The following DICER1 variants were observed in gnomAD, a reference collection of about 807,000 sequenced individuals.
The protein encoded by DICER1 is endoribonuclease Dicer.
In DICER1, 43 loss-of-function variants were observed where a neutral mutation model predicts 194.1. That is an observed-to-expected ratio of 0.22 (90% CI 0.17 to 0.29). The LOEUF is 0.29. Ranked by LOEUF, DICER1 falls within the 10% of genes least tolerant of loss-of-function variation. The pLI is 1.00. For synonymous variants in DICER1, 832 were observed against 820.5 expected (o/e 1.01, Z -0.24); for missense variants, 1,608 against 2,317.0 (o/e 0.69, Z 6.28).
At position 95,101,023 on chromosome 14, in the gene DICER1, C is replaced by T. The variant is rs574177074; in HGVS notation, c.4051-1088G>A. Among the ~76,000 whole-genome samples the T allele has an allele frequency of 6.8e-5, 10 of 146,156 alleles. 1 individual carries two copies. The highest frequency in any genetic ancestry group is 1.9e-4 in the African/African-American group (8 of 41,128). ...GCGCCAAGAAGAGGATAAAGTACAACGTGGACTCATGGGAGGGAAATCACA... is the reference window on the plus strand; with the variant it reads ...GCGCCAAGAAGAGGATAAAGTACAATGTGGACTCATGGGAGGGAAATCACA... On this transcript the variant is annotated intron_variant, in intron 21 of 26. Transcript: ENST00000343455.
In DICER1 at chr14:95,089,584, G is replaced by T. The variant is rs1250408952; in HGVS notation, c.*914C>A. On this transcript the variant is annotated 3_prime_UTR_variant, in exon 27 of 27. Coordinates refer to ENST00000343455, the MANE Select transcript of DICER1 (RefSeq NM_177438.3). ...CCTGGCAGGAGGACTTTAGTAAAAT[G>T]GGGTGTTTAGCCAAAGATCATTTTT... 2 of 231,746 alleles carry T rather than the reference G, an allele frequency of 8.6e-6. No homozygotes were observed. The highest frequency in any genetic ancestry group is 1.7e-5 in the Non-Finnish European group (2 of 117,274). 14.4% of individuals were successfully genotyped at this position (231,746 alleles called of 1,614,324 possible).
chr14:95,115,361 A>T (rs1287605627), intron 11 of DICER1, among the ~76,000 whole-genome samples: 1 of 152,208 alleles, frequency 6.6e-6, no homozygotes, highest in Non-Finnish European at 1.5e-5. Context: ...TTATGGCACA[A>T]AACAAAAAAT....
At chr14:95,114,923 A>G (rs1892304607) in intron 11 of DICER1, among the ~76,000 whole-genome samples, 1 of 152,212 alleles carries the variant, frequency 6.6e-6, no homozygotes, top group South Asian at 2.1e-4. Context: ...CAAGGTCATT[A>G]AAGTCAAGGA....
Position 95,093,750 on chromosome 14 carries a change from C to G in DICER1, c.5364+138G>C. 1.1e-5 allele frequency: 10 copies of G among 940,696 alleles called. 1 individual carries two copies. Among genetic ancestry groups the G allele is most frequent in the Non-Finnish European group, 1.7e-5 (10 of 579,072 alleles). 58.3% of individuals were successfully genotyped at this position (940,696 alleles called of 1,614,324 possible). A position where few individuals can be genotyped will look rare whatever the true frequency, so the allele number is the denominator to read the frequency against. On this transcript the variant is annotated intron_variant, in intron 24 of 26. Coordinates refer to ENST00000343455, the MANE Select transcript of DICER1 (RefSeq NM_177438.3). ...CTGCAAACTGCAGTTCACTCGTGCT[C>G]CCACAGAACACAGCACACTGGGTCC...
rs1047172474 is a variant in DICER1 at position 95,105,616 on chromosome 14, T to C, written c.3093+62A>G. The C allele has an allele frequency of 4.1e-6, 5 of 1,221,328 alleles. No homozygotes were observed. Among genetic ancestry groups the C allele is most frequent in the African/African-American group, 3.0e-5 (2 of 66,288 alleles). 75.7% of individuals were successfully genotyped at this position (1,221,328 alleles called of 1,614,324 possible). A position where few individuals can be genotyped will look rare whatever the true frequency, so the allele number is the denominator to read the frequency against. On this transcript the variant is annotated intron_variant, in intron 19 of 26. Coordinates refer to ENST00000343455, the MANE Select transcript of DICER1 (RefSeq NM_177438.3). This position sits in a 1 kb window ranked among gnomAD's most constrained non-coding sequence, Gnocchi z 4.9. ...CTTGGTAAGATAAAATTCAAACTTA[T>C]CTTTAATAATCTTTAATACTCAAAC...
chr14:95,136,088 C>CAA (rs1894347507), intron 1 of DICER1, among the ~76,000 whole-genome samples: 1 of 54,306 alleles, frequency 1.8e-5, no homozygotes, highest in Admixed American at 2.1e-4. Flanking sequence ...CATGTAGATA[C>CAA]ACACACACAC....
At chr14:95,123,093 T>C (rs1893085774) in intron 8 of DICER1, among the ~76,000 whole-genome samples, 1 of 152,116 alleles carries the variant, frequency 6.6e-6, no homozygotes, top group African/African-American at 2.4e-5. Flanking sequence ...GAAAAGTAAA[T>C]TGATTTAAGT....
chr14:95,105,293 C>G lies in DICER1; in HGVS notation c.3094-47G>C. Reference sequence around the variant, plus strand: ...GACAGATAAATACAAAGCGCACACACAAAAGAAAAAAAAAAAGACCAATTT... The same window carrying G: ...GACAGATAAATACAAAGCGCACACAGAAAAGAAAAAAAAAAAGACCAATTT... On this transcript the variant is annotated intron_variant, in intron 19 of 26. Transcript: ENST00000343455. This position sits in a 1 kb window ranked among gnomAD's most constrained non-coding sequence, Gnocchi z 4.9. The G allele has an allele frequency of 1.4e-6, 2 of 1,427,266 alleles. No homozygotes were observed. The allele number at this position is 1,427,266 out of a possible 1,614,324, so 88.4% of individuals were successfully genotyped here. A position where few individuals can be genotyped will look rare whatever the true frequency, so the allele number is the denominator to read the frequency against.
At chr14:95,114,998 A>G (rs1179789992) in intron 11 of DICER1, among the ~76,000 whole-genome samples, 1 of 152,084 alleles carries the variant, frequency 6.6e-6, no homozygotes, top group Admixed American at 6.6e-5. Flanking sequence ...GTTGAGGACA[A>G]CTCCTGACTC....
chr14:95,092,323 T>G (rs1412724963), intron 24 of DICER1, among the ~76,000 whole-genome samples: 2 of 152,242 alleles, frequency 1.3e-5, no homozygotes, highest in African/African-American at 4.8e-5. Flanking sequence ...ATATTGGTTA[T>G]TTCCGAGGTA....
rs532180345 is a variant in DICER1 at position 95,113,833 on chromosome 14, T to C, written c.1908-609A>G. The stretch of plus-strand genomic sequence containing the variant: ...AGGGTGCTGGAATGGGCAGCAGCCC[T>C]GTGAGGTTGCGACCTGTGCAGCAAG... On this transcript the variant is annotated intron_variant, in intron 11 of 26. Transcript: ENST00000343455. Among the ~76,000 whole-genome samples, 10 of 152,326 alleles carry C rather than the reference T, an allele frequency of 6.6e-5. No homozygotes were observed. In the South Asian group the frequency reaches 2.1e-3, roughly 32 times the overall value.
intron 1 of DICER1, among the ~76,000 whole-genome samples, chr14:95,156,072 G>T (rs1895838595): frequency 6.6e-6 from 1 of 152,136 alleles, no homozygotes; most frequent in Non-Finnish European, 1.5e-5. Flanking sequence ...TTTTTGGTGA[G>T]GATGTATATT....
Position 95,090,680 on chromosome 14 carries a change from C to T in DICER1, c.5604-17G>A, listed in dbSNP as rs767967111. ...TCAGCCGGGCTGTAAAAAATCCAAA[C>T]AGCTTGAATTAGAAGTCAGAAGTAT... On this transcript the variant is annotated splice_polypyrimidine_tract_variant and intron_variant, in intron 26 of 26. Coordinates refer to ENST00000343455, the MANE Select transcript of DICER1 (RefSeq NM_177438.3). The T allele has an allele frequency of 6.2e-7, 1 of 1,613,950 alleles. No individual in the cohort carries two copies. Among genetic ancestry groups the T allele is most frequent in the Non-Finnish European group, 8.5e-7 (1 of 1,179,860 alleles).
chr14:95,137,432 G>A (rs2140328960), intron 1 of DICER1, among the ~76,000 whole-genome samples: 1 of 125,608 alleles, frequency 8.0e-6, no homozygotes, highest in Non-Finnish European at 1.6e-5. Context: ...GGAATAAGAG[G>A]AAGGAAAAGG....
intron 24 of DICER1, 138 bp downstream of exon 24, chr14:95,093,750 C>T (rs1320950630): frequency 5.3e-6 from 5 of 940,578 alleles, no homozygotes; most frequent in Non-Finnish European, 8.6e-6. Flanking sequence ...CACTCGTGCT[C>T]CCACAGAACA....
intron 1 of DICER1, among the ~76,000 whole-genome samples, chr14:95,155,391 T>A (rs983730718): frequency 1.4e-4 from 22 of 152,118 alleles, no homozygotes; most frequent in Admixed American, 1.2e-3. Context: ...GAATAAAACA[T>A]CCCAACGCCA....
intron 1 of DICER1, among the ~76,000 whole-genome samples, chr14:95,139,127 GA>G (rs1894658776): frequency 6.6e-6 from 1 of 152,120 alleles, no homozygotes; most frequent in Non-Finnish European, 1.5e-5. Flanking sequence ...CTGACCAACT[GA>G]AAGTGTTTAA....
Position 95,154,352 on chromosome 14 carries a change from G to C in DICER1, c.-46+2878C>G, listed in dbSNP as rs191954407. Among the ~76,000 whole-genome samples the C allele has an allele frequency of 7.9e-5, 12 of 152,222 alleles. No homozygotes were observed. In the East Asian group the frequency reaches 2.3e-3, roughly 29 times the overall value. On this transcript the variant is annotated intron_variant, in intron 1 of 26. Transcript: ENST00000343455. ...TCAAGAAACAATGTGACCACTTTGA[G>C]GTATATGTCTAAAAGAAGGGAAAGC...
intron 1 of DICER1, among the ~76,000 whole-genome samples, chr14:95,150,157 C>T (rs1488073910): frequency 6.6e-6 from 1 of 152,204 alleles, no homozygotes; most frequent in Non-Finnish European, 1.5e-5. Flanking sequence ...TCAAGACAGT[C>T]TTATTTCTCA....
Sources: allele counts gnomAD v4.1 joint callset (sites outside exome capture counted in the v4.1 genomes callset), GRCh38; gene constraint gnomAD v4.1.1; non-coding constraint Gnocchi (gnomAD v3.1); transcripts MANE v1.5; gene names NCBI Gene and HGNC (gene_info 2026-07-23, HGNC 2026-07-21).